CRACD: variants seen among roughly 807,000 people sequenced by gnomAD.
CRACD encodes capping protein inhibiting regulator of actin dynamics, also known as capping protein-inhibiting regulator of actin dynamics.
A neutral mutation model predicts 106.8 loss-of-function variants in CRACD; 56 were observed. That is an observed-to-expected ratio of 0.52 (90% CI 0.42 to 0.66). CRACD has a LOEUF of 0.66. Among genes scored for constraint, CRACD ranks in the 30% least tolerant of loss-of-function variants. CRACD has a pLI of 0.00. For missense variants in CRACD, 1,730 were observed against 1,623.2 expected (o/e 1.07, Z -1.13); for synonymous variants, 754 against 670.8 (o/e 1.12, Z -1.92).
rs188303425 is a variant in CRACD at position 56,137,197 on chromosome 4, A to G, written c.-335-42087A>G. On this transcript the variant is annotated intron_variant, in intron 1 of 10. Transcript: ENST00000682029. The stretch of plus-strand genomic sequence containing the variant: ...CTGTAATCTCGATGACTTGAGCCCC[A>G]GAAGGTCAAGGTTGCGGTGAGCTGG... Among the ~76,000 whole-genome samples, 31 of 152,208 alleles carry G rather than the reference A, an allele frequency of 2.0e-4. No homozygotes were observed. The East Asian group carries it at 6.0e-3, about 29-fold the overall frequency.
At chr4:56,263,962 T>A (rs976528843) in intron 2 of CRACD, among the ~76,000 whole-genome samples, 2 of 152,080 alleles carry the variant, frequency 1.3e-5, no homozygotes, top group Non-Finnish European at 2.9e-5. Flanking sequence ...ACTGGGTAAT[T>A]TATGGAGAAA....
At chr4:56,299,875 T>C (rs1744266528) in intron 4 of CRACD, among the ~76,000 whole-genome samples, 2 of 150,804 alleles carry the variant, frequency 1.3e-5, no homozygotes, top group South Asian at 2.1e-4. Context: ...AGAGAACAAC[T>C]GCCCTCAGTA....
chr4:56,051,370 T>C (rs1290568176), intron 1 of CRACD, among the ~76,000 whole-genome samples: 1 of 152,230 alleles, frequency 6.6e-6, no homozygotes, highest in Admixed American at 6.5e-5. Context: ...TCAGTCATAG[T>C]TGATGTGTGT....
At chr4:56,303,859 T>C (rs1744512232) in intron 4 of CRACD, among the ~76,000 whole-genome samples, 1 of 152,238 alleles carries the variant, frequency 6.6e-6, no homozygotes, top group African/African-American at 2.4e-5. Context: ...ACATAGAAAC[T>C]GTAGCCCTCC....
intron 1 of CRACD, among the ~76,000 whole-genome samples, chr4:56,144,273 C>T (rs933037324): frequency 6.6e-6 from 1 of 152,028 alleles, no homozygotes; most frequent in Non-Finnish European, 1.5e-5. Flanking sequence ...TAGAACATGT[C>T]GTGGAGTTTG....
At chr4:56,050,701 AT>A (rs1376150749) in intron 1 of CRACD, among the ~76,000 whole-genome samples, 1 of 152,218 alleles carries the variant, frequency 6.6e-6, no homozygotes, top group Non-Finnish European at 1.5e-5. Context: ...AAAAAGAAAC[AT>A]TTTGAAAAAT....
intron 8 of CRACD, 134 bp downstream of exon 8, chr4:56,316,823 A>G (rs1745705022): frequency 1.8e-6 from 2 of 1,102,574 alleles, no homozygotes; most frequent in South Asian, 3.4e-5. Flanking sequence ...TTTTATTAGA[A>G]CGCTGCAGAA....
At chr4:56,280,398 T>G (rs1183832510) in intron 3 of CRACD, among the ~76,000 whole-genome samples, 1 of 152,102 alleles carries the variant, frequency 6.6e-6, no homozygotes, top group Non-Finnish European at 1.5e-5. Flanking sequence ...CATCTCCACC[T>G]CCTTCCTTTG....
intron 1 of CRACD, among the ~76,000 whole-genome samples, chr4:56,057,586 T>C (rs2109781438): frequency 6.6e-6 from 1 of 152,048 alleles, no homozygotes; most frequent in East Asian, 1.9e-4. Context: ...AGCACTTTCA[T>C]ATGTACTTCC....
chr4:56,198,454 G>A (rs1737726144), intron 2 of CRACD, among the ~76,000 whole-genome samples: 1 of 152,184 alleles, frequency 6.6e-6, no homozygotes, highest in Non-Finnish European at 1.5e-5. Flanking sequence ...TCCTGGAGTA[G>A]GGCGGAGGCT....
intron 3 of CRACD, among the ~76,000 whole-genome samples, chr4:56,292,460 C>A (rs1743750167): frequency 6.6e-6 from 1 of 152,104 alleles, no homozygotes; most frequent in Non-Finnish European, 1.5e-5. Context: ...TGATGTGCTT[C>A]TTTGCTGTTT....
At chr4:56,060,842 A>G (rs1732245466) in intron 1 of CRACD, among the ~76,000 whole-genome samples, 1 of 152,154 alleles carries the variant, frequency 6.6e-6, no homozygotes, top group Admixed American at 6.5e-5. Context: ...CACCCATTCA[A>G]CCATGTGGGA....
intron 1 of CRACD, among the ~76,000 whole-genome samples, chr4:56,161,286 G>A (rs1735940897): frequency 6.6e-6 from 1 of 152,030 alleles, no homozygotes; most frequent in South Asian, 2.1e-4. Flanking sequence ...TGTAAAATTA[G>A]GAGGGCCTGT....
chr4:56,093,042 A>G (rs746770506), intron 1 of CRACD, among the ~76,000 whole-genome samples: 1 of 152,194 alleles, frequency 6.6e-6, no homozygotes, highest in Non-Finnish European at 1.5e-5. Flanking sequence ...ACTGAAGTGG[A>G]TTTGAGTGCT....
At chr4:56,290,638 T>G (rs936135126) in intron 3 of CRACD, among the ~76,000 whole-genome samples, 3 of 152,168 alleles carry the variant, frequency 2.0e-5, no homozygotes, top group Non-Finnish European at 4.4e-5. Flanking sequence ...TGATGAAATG[T>G]TTCAAAGCCC....
At chr4:56,215,348 C>A (rs530699798) in intron 2 of CRACD, among the ~76,000 whole-genome samples, 1 of 152,134 alleles carries the variant, frequency 6.6e-6, no homozygotes, top group Admixed American at 6.5e-5. Flanking sequence ...ACACTAATCC[C>A]ATCCATGAGA....
chr4:56,074,464 C>T (rs540111916), intron 1 of CRACD, among the ~76,000 whole-genome samples: 17 of 152,088 alleles, frequency 1.1e-4, no homozygotes, highest in Non-Finnish European at 2.2e-4. Flanking sequence ...AATGGGAGTT[C>T]ACTCATAATT....
intron 1 of CRACD, among the ~76,000 whole-genome samples, chr4:56,070,398 C>A (rs1238528972): frequency 3.3e-5 from 5 of 151,198 alleles, no homozygotes; most frequent in African/African-American, 1.2e-4. Context: ...CTCCCGGGTT[C>A]ACGCCATTCT....
chr4:56,218,933 A>G (rs1349508356), intron 2 of CRACD, among the ~76,000 whole-genome samples: 6 of 152,078 alleles, frequency 3.9e-5, no homozygotes, highest in African/African-American at 1.4e-4. Context: ...CTTTCTTGCT[A>G]TTTGGCCAGG....
Sources: allele counts gnomAD v4.1 joint callset (sites outside exome capture counted in the v4.1 genomes callset), GRCh38; gene constraint gnomAD v4.1.1; transcripts MANE v1.5; gene names NCBI Gene and HGNC (gene_info 2026-07-23, HGNC 2026-07-21).